MBTPS1: variants seen among roughly 807,000 people sequenced by gnomAD.
MBTPS1 encodes the protein membrane bound transcription factor peptidase, site 1.
Under a neutral mutation model 127.8 loss-of-function variants are expected in MBTPS1, and 94 were observed. The observed-to-expected ratio is 0.74, with a 90% CI of 0.62 to 0.87. The LOEUF (loss-of-function observed/expected upper bound fraction) is 0.87, where lower values mean the gene tolerates loss of function less well. Ranked by LOEUF, MBTPS1 falls within the 40% of genes least tolerant of loss-of-function variation. The pLI is 0.00. For missense variants in MBTPS1, 1,636 were observed against 1,353.2 expected (o/e 1.21, Z -3.28); for synonymous variants, 632 against 509.4 (o/e 1.24, Z -3.24).
chr16:84,099,165 C>T lies in MBTPS1; in HGVS notation c.309G>A (p.Val103=). Reference sequence around the variant, plus strand: ...CTTTCTGTTTTTCTTTTATCTGAATCACCTCAAAATCACTAGGGTAGTCAC... The same window carrying T: ...CTTTCTGTTTTTCTTTTATCTGAATTACCTCAAAATCACTAGGGTAGTCAC... ...PSSDYPSDFE[V]IQIKEKQKAG... The change falls in exon 3 of 23, where the codon GTG becomes GTA. Residue 103 remains valine, a synonymous_variant. Transcript: ENST00000343411. The T allele has an allele frequency of 1.2e-6, 2 of 1,614,140 alleles. 1 individual carries two copies. The highest frequency in any genetic ancestry group is 2.2e-5 in the South Asian group (2 of 91,078).
intron 10 of MBTPS1, among the ~76,000 whole-genome samples, chr16:84,083,579 C>T (rs554415083): frequency 6.6e-6 from 1 of 152,152 alleles, no homozygotes; most frequent in African/African-American, 2.4e-5. Context: ...GTGTGAGCTA[C>T]CACAACCAGC....
At chr16:84,059,624 T>A in intron 20 of MBTPS1, 196 bp from the exon 21 acceptor site, 1 of 479,494 alleles carries the variant, frequency 2.1e-6, no homozygotes, top group Admixed American at 3.5e-5. Flanking sequence ...TGTGTTTCCA[T>A]TGCTGAAGGT....
At chr16:84,059,212 G>A (rs1248016080) in intron 21 of MBTPS1, 90 bp downstream of exon 21, 3 of 1,467,942 alleles carry the variant, frequency 2.0e-6, no homozygotes, top group Non-Finnish European at 9.3e-7. Context: ...ATTCGATAGT[G>A]ATGTCAGTAA....
At chr16:84,114,359 T>G (rs952617318) in intron 1 of MBTPS1, among the ~76,000 whole-genome samples, 1 of 152,136 alleles carries the variant, frequency 6.6e-6, no homozygotes, top group African/African-American at 2.4e-5. Flanking sequence ...GAAAAAAAAT[T>G]CATCCCAATG....
intron 6 of MBTPS1, 76 bp downstream of exon 6, chr16:84,093,112 G>A: frequency 2.1e-6 from 2 of 960,110 alleles, no homozygotes; most frequent in South Asian, 1.3e-5. Context: ...TTACACAAGT[G>A]TGTACAGTCC....
In MBTPS1 at chr16:84,091,625, G is replaced by C. The variant is rs116842951; in HGVS notation, c.963+107C>G. The C allele has an allele frequency of 9.5e-4, 711 of 750,362 alleles. 3 individuals are homozygous for C. The highest frequency in any genetic ancestry group is 1.4e-3 in the South Asian group (92 of 64,722). The allele number at this position is 750,362 out of a possible 1,614,324, so 46.5% of individuals were successfully genotyped here. Reference sequence around the variant, plus strand: ...ATTAGCCATCTGTTCTCACAAAGCTGTCACCACCTGGATGAAAAGCCACCA... The same window carrying C: ...ATTAGCCATCTGTTCTCACAAAGCTCTCACCACCTGGATGAAAAGCCACCA... On this transcript the variant is annotated intron_variant, in intron 7 of 22. Transcript: ENST00000343411.
intron 1 of MBTPS1, among the ~76,000 whole-genome samples, chr16:84,103,477 C>A (rs2086284980): frequency 6.6e-6 from 1 of 152,022 alleles, no homozygotes; most frequent in Non-Finnish European, 1.5e-5. Context: ...CCAGGCTGGT[C>A]TCAAACTCAG....
chr16:84,099,223 T>C lies in MBTPS1; in HGVS notation c.251A>G (p.Asn84Ser), dbSNP rs745466465. 4.3e-6 allele frequency: 7 copies of C among 1,614,188 alleles called. No homozygotes were observed. The highest frequency in any genetic ancestry group is 2.7e-5 in the African/African-American group (2 of 75,058). The change falls in exon 3 of 23, where the codon AAT (asparagine) becomes AGT (serine). Residue 84 changes from asparagine (N) to serine (S), a missense_variant. Asn to Ser is a conservative substitution (Grantham distance 46). Transcript: ENST00000343411. ...ATTGTTTCGAGGTATAATTCTCCAA[T>C]TGTCTACTTCACTGCTCTTCAGGGC... ...SSALKSSEVD[N>S]WRIIPRNNPS...
At chr16:84,092,493 A>C (rs931139392) in intron 6 of MBTPS1, among the ~76,000 whole-genome samples, 1 of 152,222 alleles carries the variant, frequency 6.6e-6, no homozygotes, top group African/African-American at 2.4e-5. Context: ...CATATACACC[A>C]AAGAAATTCT....
chr16:84,092,862 C>A lies in MBTPS1; in HGVS notation c.846+326G>T, dbSNP rs187294878. Among the ~76,000 whole-genome samples the A allele has an allele frequency of 9.2e-5, 14 of 152,282 alleles. 1 individual carries two copies. In the East Asian group the frequency reaches 2.1e-3, roughly 23 times the overall value. On this transcript the variant is annotated intron_variant, in intron 6 of 22. Coordinates refer to ENST00000343411, the MANE Select transcript of MBTPS1 (RefSeq NM_003791.4). ...TTATTCTATCTGCAATTGTTCTGTT[C>A]TATCATGCAGACAACCGACCCAGGG...
intron 1 of MBTPS1, among the ~76,000 whole-genome samples, chr16:84,109,890 C>T (rs1454463180): frequency 6.6e-6 from 1 of 152,106 alleles, no homozygotes; most frequent in Non-Finnish European, 1.5e-5. Flanking sequence ...GTAAGAAGGT[C>T]CTTGCTTGGA....
chr16:84,061,822 C>T (rs1228247214), intron 19 of MBTPS1, among the ~76,000 whole-genome samples: 1 of 152,176 alleles, frequency 6.6e-6, no homozygotes, highest in Non-Finnish European at 1.5e-5. Flanking sequence ...CATCTTGTTT[C>T]TCCTGTGTCT....
At chr16:84,091,693 A>C in intron 7 of MBTPS1, 39 bp downstream of exon 7, 1 of 1,390,356 alleles carries the variant, frequency 7.2e-7, no homozygotes, top group Non-Finnish European at 1.0e-6. Context: ...AAAGAGCAGG[A>C]GCTGTCACCC....
At chr16:84,059,555 A>G in intron 20 of MBTPS1, 127 bp from the exon 21 acceptor site, 1 of 824,030 alleles carries the variant, frequency 1.2e-6, no homozygotes, top group South Asian at 1.8e-5. Flanking sequence ...CCTGTGCTCT[A>G]TTAAGCTATC....
At chr16:84,067,496 G>A (rs921825397) in intron 16 of MBTPS1, among the ~76,000 whole-genome samples, 171 bp downstream of exon 16, 1 of 152,162 alleles carries the variant, frequency 6.6e-6, no homozygotes, top group African/African-American at 2.4e-5. Context: ...GGGATTACAG[G>A]CGTGAGCAAC....
At chr16:84,062,661 C>G (rs1360988035) in intron 19 of MBTPS1, among the ~76,000 whole-genome samples, 2 of 152,180 alleles carry the variant, frequency 1.3e-5, no homozygotes, top group African/African-American at 2.4e-5. Context: ...ACATGGAGCA[C>G]TTTTACCATT....
intron 19 of MBTPS1, 23 bp from the exon 20 acceptor site, chr16:84,060,836 T>G: frequency 1.3e-6 from 2 of 1,540,410 alleles, no homozygotes; most frequent in African/African-American, 1.4e-5. Context: ...CAAGCCTGTT[T>G]AGGAATTCCT....
intron 9 of MBTPS1, chr16:84,086,234 A>G (rs2086022399): frequency 2.6e-5 from 4 of 152,250 alleles, no homozygotes; most frequent in Admixed American, 2.0e-4. Context: ...AAGGCCATGG[A>G]CGTGACATCT....
rs1016167050 is a variant in MBTPS1, at chr16:84,060,557, C to A, written c.2704+125G>T. 8 of 1,137,716 alleles carry A rather than the reference C, an allele frequency of 7.0e-6. No homozygotes were observed. In the South Asian group the frequency reaches 1.1e-4, roughly 15 times the overall value. 70.5% of individuals were successfully genotyped at this position (1,137,716 alleles called of 1,614,324 possible). On this transcript the variant is annotated intron_variant, in intron 20 of 22. Transcript: ENST00000343411. The stretch of plus-strand genomic sequence containing the variant: ...AGTGCTGCTCTACCCGCAGCCATTA[C>A]GAAAACCACTCAGCGGCGCACACAA...
Sources: allele counts gnomAD v4.1 joint callset (sites outside exome capture counted in the v4.1 genomes callset), GRCh38; gene constraint gnomAD v4.1.1; transcripts MANE v1.5; gene names NCBI Gene and HGNC (gene_info 2026-07-23, HGNC 2026-07-21).